Variants in DSE observed in about 807,000 individuals in gnomAD.
The protein encoded by DSE is dermatan sulfate epimerase.
DSE carries 36 observed loss-of-function variants against 84.4 expected under a neutral mutation model. That is an observed-to-expected ratio of 0.43 (90% CI 0.33 to 0.56). The LOEUF (loss-of-function observed/expected upper bound fraction) is 0.56, where lower values mean the gene tolerates loss of function less well. DSE is among the 20% of genes least tolerant of loss of function. The pLI is 0.06. For synonymous variants in DSE, 410 were observed against 430.1 expected (o/e 0.95, Z 0.58); for missense variants, 862 against 1,169.6 (o/e 0.74, Z 3.84).
rs959055144 is a variant in DSE at position 116,438,902 on chromosome 6, T to C, written c.*1557T>C. On this transcript the variant is annotated 3_prime_UTR_variant, in exon 6 of 6. Coordinates refer to ENST00000644252, the MANE Select transcript of DSE (RefSeq NM_013352.4). ...TTGACTTTTAACTGTGCTTCACTTA[T>C]TATGCTTGGAATCTAGAAAACGACT... 5 of 152,230 alleles carry C rather than the reference T, an allele frequency of 3.3e-5. No individual in the cohort carries two copies. The highest frequency in any genetic ancestry group is 1.2e-4 in the African/African-American group (5 of 41,464). 9.4% of individuals were successfully genotyped at this position (152,230 alleles called of 1,614,324 possible). A position where few individuals can be genotyped will look rare whatever the true frequency, so the allele number is the denominator to read the frequency against.
At chr6:116,281,823 A>G (rs1251320826) in intron 2 of DSE, among the ~76,000 whole-genome samples, 3 of 152,202 alleles carry the variant, frequency 2.0e-5, no homozygotes, top group Non-Finnish European at 4.4e-5. Context: ...TAAGGGGCAT[A>G]TGGGTTGTCA....
chr6:116,272,777 G>C (rs549541493), intron 2 of DSE, among the ~76,000 whole-genome samples: 1 of 152,296 alleles, frequency 6.6e-6, no homozygotes, highest in South Asian at 2.1e-4. Context: ...CCAGGTTTGA[G>C]AACCATGAAG....
chr6:116,356,983 T>C (rs1016125946), intron 2 of DSE, among the ~76,000 whole-genome samples: 2 of 152,176 alleles, frequency 1.3e-5, no homozygotes, highest in African/African-American at 4.8e-5. Context: ...CTCACATTAT[T>C]AGTTTTGCCT....
At chr6:116,366,142 T>A (rs1295516721), upstream of DSE, 1 of 152,236 alleles carries the variant, frequency 6.6e-6, no homozygotes, top group Non-Finnish European at 1.5e-5. Flanking sequence ...AAAGTTTGCA[T>A]ATCAAAATCC....
chr6:116,357,356 C>A (rs1778639308), intron 2 of DSE, among the ~76,000 whole-genome samples: 1 of 152,018 alleles, frequency 6.6e-6, no homozygotes, highest in African/African-American at 2.4e-5. Flanking sequence ...CACGGTGAAA[C>A]CCCGTCTCTA....
At chr6:116,291,102 C>T (rs1774254474) in intron 2 of DSE, among the ~76,000 whole-genome samples, 1 of 151,974 alleles carries the variant, frequency 6.6e-6, no homozygotes, top group Non-Finnish European at 1.5e-5. Flanking sequence ...GGATGGCATA[C>T]AAAAATCTGA....
At chr6:116,402,027 T>G (rs1781630163) in intron 2 of DSE, among the ~76,000 whole-genome samples, 3 of 152,178 alleles carry the variant, frequency 2.0e-5, no homozygotes, top group Non-Finnish European at 4.4e-5. Flanking sequence ...CTAAGTTATG[T>G]TCATTCACTG....
chr6:116,297,404 C>T (rs1774737201), intron 2 of DSE, among the ~76,000 whole-genome samples: 2 of 152,074 alleles, frequency 1.3e-5, no homozygotes, highest in Admixed American at 1.3e-4. Context: ...TTCCTTTCTC[C>T]TTTTCCTACC....
At chr6:116,295,015 GC>G (rs546604561) in intron 2 of DSE, among the ~76,000 whole-genome samples, 9 of 152,298 alleles carry the variant, frequency 5.9e-5, no homozygotes, top group Admixed American at 3.9e-4. Context: ...TCGAGAGACT[GC>G]CCACGGTGGG....
rs1554224280 is a variant in DSE at position 116,410,764 on chromosome 6, A to AAAAAG, written c.416+11100_416+11101insAAGAA. Among the ~76,000 whole-genome samples the AAAAAG allele has an allele frequency of 1.4e-3, 202 of 139,728 alleles. 1 individual carries two copies. The highest frequency in any genetic ancestry group is 3.8e-3 in the African/African-American group (142 of 37,328). 91.7% of individuals were successfully genotyped at this position (139,728 alleles called of 152,430 possible). A position where few individuals can be genotyped will look rare whatever the true frequency, so the allele number is the denominator to read the frequency against. ...AAAAAAAAAAAAAAAAAAAAAAAAA[A>AAAAAG]AAGAAGAAGAAGAATCTTGTTGTGG... On this transcript the variant is annotated intron_variant, in intron 2 of 5. Transcript: ENST00000644252.
intron 2 of DSE, among the ~76,000 whole-genome samples, chr6:116,403,188 C>T (rs981788932): frequency 3.3e-5 from 5 of 152,058 alleles, no homozygotes; most frequent in African/African-American, 7.2e-5. Flanking sequence ...CAGAGGTGCT[C>T]GCATCCTATC....
At chr6:116,334,742 T>C (rs1718481443) in intron 2 of DSE, among the ~76,000 whole-genome samples, 1 of 152,112 alleles carries the variant, frequency 6.6e-6, no homozygotes. Context: ...TGGCAAAGGA[T>C]ATGAACAGAC....
At chr6:116,314,331 CT>C (rs1775852585) in intron 2 of DSE, among the ~76,000 whole-genome samples, 1 of 152,070 alleles carries the variant, frequency 6.6e-6, no homozygotes. Context: ...AACTGTTTTT[CT>C]TTTTTCTTCT....
chr6:116,269,301 T>C (rs951220683), intron 2 of DSE, among the ~76,000 whole-genome samples: 1 of 152,056 alleles, frequency 6.6e-6, no homozygotes, highest in Non-Finnish European at 1.5e-5. Context: ...AAATGAGATA[T>C]CTGTGAAGTG....
chr6:116,305,517 A>G (rs1416310262), intron 2 of DSE, among the ~76,000 whole-genome samples: 3 of 152,274 alleles, frequency 2.0e-5, no homozygotes, highest in East Asian at 3.8e-4. Context: ...AAGAAAAACA[A>G]TTGACATAGT....
At chr6:116,326,853 T>C (rs559390468) in intron 2 of DSE, among the ~76,000 whole-genome samples, 1 of 152,336 alleles carries the variant, frequency 6.6e-6, no homozygotes, top group East Asian at 1.9e-4. Context: ...TTTTTCTTAC[T>C]TCATTCTAGT....
intron 2 of DSE, among the ~76,000 whole-genome samples, chr6:116,403,214 C>G (rs1029313): frequency 0.42 from 63,582 of 151,954 alleles, 13,834 homozygotes; most frequent in Admixed American, 0.53. Flanking sequence ...AGCTCTCCCC[C>G]GTTTCTCTCC....
intron 2 of DSE, among the ~76,000 whole-genome samples, chr6:116,306,337 A>T (rs1172012705): frequency 6.6e-6 from 1 of 152,200 alleles, no homozygotes; most frequent in Non-Finnish European, 1.5e-5. Context: ...ACACACAGGT[A>T]CATACACATA....
chr6:116,255,028 G>C (rs373633800), intron 1 of DSE: 1 of 152,166 alleles, frequency 6.6e-6, no homozygotes, highest in African/African-American at 2.4e-5. Context: ...GTCTATTCGA[G>C]TCAGTTAGCT....
Sources: allele counts gnomAD v4.1 joint callset (sites outside exome capture counted in the v4.1 genomes callset), GRCh38; gene constraint gnomAD v4.1.1; transcripts MANE v1.5; gene names NCBI Gene and HGNC (gene_info 2026-07-23, HGNC 2026-07-21).